DPP6: variants seen among roughly 807,000 people sequenced by gnomAD.
The protein encoded by DPP6 is A-type potassium channel modulatory protein DPP6.
DPP6 carries 69 observed loss-of-function variants against 122.6 expected under a neutral mutation model. The observed-to-expected ratio is 0.56, with a 90% CI of 0.46 to 0.69. The LOEUF (loss-of-function observed/expected upper bound fraction) is 0.69, where lower values mean the gene tolerates loss of function less well. Ranked by LOEUF, DPP6 falls within the 30% of genes least tolerant of loss-of-function variation. DPP6 has a pLI of 0.00. For missense variants in DPP6, 928 were observed against 1,116.9 expected, an observed-to-expected ratio of 0.83 and a Z score of 2.41; for synonymous variants, 418 against 433.1, an observed-to-expected ratio of 0.97 and a Z score of 0.43.
chr7:153,950,287 TG>T lies in DPP6; in HGVS notation c.51+62555del, dbSNP rs1802148110. On this transcript the variant is annotated intron_variant, in intron 1 of 25. Transcript: ENST00000404039. ...GGTAGGAAGGGAGTCCAGGCAGAGA[TG>T]GCGGCATGTAGAAAAATAACAAGGC... Among the ~76,000 whole-genome samples the T allele has an allele frequency of 2.0e-5, 3 of 152,118 alleles. No individual in the cohort carries two copies. The South Asian group carries it at 6.2e-4, about 32-fold the overall frequency.
chr7:154,346,979 T>C (rs1009811907), intron 1 of DPP6, among the ~76,000 whole-genome samples: 1 of 152,182 alleles, frequency 6.6e-6, no homozygotes, highest in African/African-American at 2.4e-5. Context: ...AGAAAGATAA[T>C]ACAGGAACCA....
At chr7:154,491,365 G>A (rs1343011841) in intron 3 of DPP6, among the ~76,000 whole-genome samples, 4 of 152,146 alleles carry the variant, frequency 2.6e-5, no homozygotes, top group South Asian at 2.1e-4. Context: ...CATTAAGCTC[G>A]GAAAATCCTT....
intron 1 of DPP6, among the ~76,000 whole-genome samples, chr7:154,224,958 C>G (rs908939527): frequency 6.6e-6 from 1 of 152,112 alleles, no homozygotes; most frequent in Non-Finnish European, 1.5e-5. Flanking sequence ...ACCTGGCCAA[C>G]ATGGTGAACC....
At chr7:154,408,929 T>C (rs1816358977) in intron 1 of DPP6, among the ~76,000 whole-genome samples, 1 of 151,970 alleles carries the variant, frequency 6.6e-6, no homozygotes, top group African/African-American at 2.4e-5. Context: ...CTATTTGAGG[T>C]CAGGAGTTCA....
At chr7:154,176,734 G>C (rs1797820541) in intron 1 of DPP6, among the ~76,000 whole-genome samples, 2 of 152,190 alleles carry the variant, frequency 1.3e-5, no homozygotes. Flanking sequence ...GCCTTATGGC[G>C]ACCCTCGGAA....
chr7:154,576,988 G>A (rs1395306352), intron 5 of DPP6, among the ~76,000 whole-genome samples: 1 of 152,160 alleles, frequency 6.6e-6, no homozygotes, highest in Non-Finnish European at 1.5e-5. Flanking sequence ...TTGTGCAAAG[G>A]CAGTGGAAGG....
chr7:154,322,130 C>G (rs1396948178), intron 1 of DPP6, among the ~76,000 whole-genome samples: 1 of 151,620 alleles, frequency 6.6e-6, no homozygotes, highest in Non-Finnish European at 1.5e-5. Context: ...CTGGAAAGGC[C>G]CACGGAAGGA....
chr7:154,669,538 T>TTG lies in DPP6; in HGVS notation c.762+125_762+126dup, dbSNP rs3220067. ...CACTGTACTCAGCCTGTACATGGTG[T>TTG]TGTGTGTGTGTGTGTGTGTGTGTGT... On this transcript the variant is annotated intron_variant, in intron 7 of 25. Transcript: ENST00000377770. 8.3e-4 allele frequency: 995 copies of TTG among 1,199,338 alleles called. 3 individuals are homozygous for TTG. In the South Asian group the frequency reaches 9.3e-3, roughly 11 times the overall value. 74.3% of individuals were successfully genotyped at this position (1,199,338 alleles called of 1,614,324 possible).
In DPP6 at chr7:154,576,324, C is replaced by T. The variant is rs1029614706; in HGVS notation, c.627+9408C>T. 3.1e-4 allele frequency among the ~76,000 whole-genome samples: 47 copies of T among 152,182 alleles called. 1 individual carries two copies. The South Asian group carries it at 8.5e-3, about 28-fold the overall frequency. ...CCCGAGGCCACGAGACCTGACCCCACACTCCACACTCCACACTCTGCCCAA... is the reference window on the plus strand; with the variant it reads ...CCCGAGGCCACGAGACCTGACCCCATACTCCACACTCCACACTCTGCCCAA... On this transcript the variant is annotated intron_variant, in intron 5 of 25. Transcript: ENST00000377770.
chr7:154,854,773 G>A (rs898025834), intron 17 of DPP6, among the ~76,000 whole-genome samples: 3 of 152,172 alleles, frequency 2.0e-5, no homozygotes, highest in Non-Finnish European at 2.9e-5. Flanking sequence ...TTACGCGAGG[G>A]ATGTGTGCTG....
At chr7:154,000,866 G>A (rs1007535001) in intron 1 of DPP6, among the ~76,000 whole-genome samples, 5 of 152,088 alleles carry the variant, frequency 3.3e-5, no homozygotes, top group East Asian at 1.9e-4. Context: ...GGGCACTGAC[G>A]GACTCCAGGC....
chr7:154,888,745 G>A (rs1029698089), intron 23 of DPP6, among the ~76,000 whole-genome samples: 3 of 152,186 alleles, frequency 2.0e-5, no homozygotes, highest in Admixed American at 6.5e-5. Flanking sequence ...CCGTTTTCAT[G>A]CTGCTGATAA....
chr7:154,837,138 C>T (rs550609533), intron 16 of DPP6, among the ~76,000 whole-genome samples: 98 of 151,900 alleles, frequency 6.5e-4, no homozygotes, highest in African/African-American at 2.3e-3. Context: ...GGCACATTCA[C>T]ACATGCATGC....
intron 2 of DPP6, among the ~76,000 whole-genome samples, chr7:154,471,427 C>A (rs866015045): frequency 2.0e-5 from 3 of 152,028 alleles, no homozygotes; most frequent in Non-Finnish European, 4.4e-5. Flanking sequence ...AAGTCAGGCA[C>A]AACAGGAGGG....
intron 10 of DPP6, among the ~76,000 whole-genome samples, chr7:154,775,989 A>G (rs999139455): frequency 6.7e-6 from 1 of 149,186 alleles, no homozygotes; most frequent in African/African-American, 2.5e-5. Context: ...TCAGCCTGCA[A>G]CCCCCCGCCG....
At chr7:154,644,627 A>C (rs2130956208) in intron 6 of DPP6, among the ~76,000 whole-genome samples, 1 of 152,236 alleles carries the variant, frequency 6.6e-6, no homozygotes, top group African/African-American at 2.4e-5. Context: ...AGCTGCCGGA[A>C]GTTACAGAAC....
the DPP6 span, among the ~76,000 whole-genome samples, chr7:153,768,641 G>A: frequency 2.6e-5 from 4 of 151,986 alleles, no homozygotes; most frequent in African/African-American, 9.7e-5. Flanking sequence ...TATGCTTATT[G>A]GCCATGTATA....
intron 4 of DPP6, among the ~76,000 whole-genome samples, chr7:154,555,967 T>A (rs73163090): frequency 0.15 from 22,958 of 152,118 alleles, 2,003 homozygotes; most frequent in Non-Finnish European, 0.2. Flanking sequence ...CAATCCTAAT[T>A]AGAACTCTGA....
chr7:153,984,641 G>A (rs571838304), intron 1 of DPP6, among the ~76,000 whole-genome samples: 4 of 152,170 alleles, frequency 2.6e-5, no homozygotes, highest in South Asian at 4.2e-4. Context: ...AATTAGGAGA[G>A]GGAGATCCAG....
Sources: allele counts gnomAD v4.1 joint callset (sites outside exome capture counted in the v4.1 genomes callset), GRCh38; gene constraint gnomAD v4.1.1; transcripts MANE v1.5; gene names NCBI Gene and HGNC (gene_info 2026-07-23, HGNC 2026-07-21).